Variants in SLC39A11 observed in about 807,000 individuals in gnomAD.
SLC39A11 encodes the protein zinc transporter ZIP11.
Under a neutral mutation model 36.1 loss-of-function variants are expected in SLC39A11, and 33 were observed. The ratio of observed to expected loss-of-function variants is 0.91; its 90% CI spans 0.69 to 1.22. SLC39A11 has a LOEUF of 1.22. SLC39A11 is among the 50% of genes most tolerant of loss of function. The pLI, the probability that SLC39A11 is intolerant of heterozygous loss-of-function variation, is 0.00. For missense variants in SLC39A11, 432 were observed against 430.3 expected (o/e 1.00, Z -0.03); for synonymous variants, 166 against 170.3 (o/e 0.97, Z 0.20).
At chr17:73,010,858 A>G (rs1273677209) in intron 4 of SLC39A11, among the ~76,000 whole-genome samples, 1 of 152,234 alleles carries the variant, frequency 6.6e-6, no homozygotes, top group Non-Finnish European at 1.5e-5. Flanking sequence ...CCCAAAAATA[A>G]CTCACATGTG....
intron 5 of SLC39A11, among the ~76,000 whole-genome samples, chr17:72,916,593 C>A (rs1467810398): frequency 6.6e-6 from 1 of 152,162 alleles, no homozygotes; most frequent in Non-Finnish European, 1.5e-5. Context: ...GTTTCACAAA[C>A]CCTCTCTTCC....
intron 5 of SLC39A11, among the ~76,000 whole-genome samples, chr17:72,935,208 T>C (rs1450579776): frequency 6.6e-6 from 1 of 152,226 alleles, no homozygotes; most frequent in Non-Finnish European, 1.5e-5. Flanking sequence ...CTGTTGACAC[T>C]TGCAACATAA....
chr17:72,653,092 G>C lies in SLC39A11; in HGVS notation c.672-3824C>G, dbSNP rs188265784. Among the ~76,000 whole-genome samples, 11 of 147,780 alleles carry C rather than the reference G, an allele frequency of 7.4e-5. No individual in the cohort carries two copies. The East Asian group carries it at 2.2e-3, about 30-fold the overall frequency. ...TGAGCCTGGTGGGCTTGACTCTTCT[G>C]TTGCACGCTTTTTTTTTCTTTTTTT... On this transcript the variant is annotated intron_variant, in intron 7 of 9. Transcript: ENST00000255559.
rs1241613564 is a variant in SLC39A11, at chr17:72,776,627, A to AAC, written c.602-39909_602-39908insGT. ...TTTGCATGGAAAAAAAAAAAAAAAA[A>AAC]AACAGAAGACAGGCTGTTGGTAATC... On this transcript the variant is annotated intron_variant, in intron 6 of 9. Transcript: ENST00000255559. Among the ~76,000 whole-genome samples, 639 of 151,500 alleles carry AAC rather than the reference A, an allele frequency of 4.2e-3. 2 individuals are homozygous for AAC. Among genetic ancestry groups the AAC allele is most frequent in the Middle Eastern group, 6.8e-3 (2 of 292 alleles).
chr17:72,748,851 G>A (rs891288556), intron 6 of SLC39A11, among the ~76,000 whole-genome samples: 6 of 152,126 alleles, frequency 3.9e-5, no homozygotes, highest in African/African-American at 7.2e-5. Context: ...CACCATGGTC[G>A]TCCACACCTG....
chr17:72,777,611 T>C (rs2076177537), intron 6 of SLC39A11, among the ~76,000 whole-genome samples: 1 of 152,124 alleles, frequency 6.6e-6, no homozygotes, highest in African/African-American at 2.4e-5. Flanking sequence ...GAATTATTGG[T>C]AACTCTAGGA....
chr17:73,058,812 A>G (rs969216238), intron 3 of SLC39A11, among the ~76,000 whole-genome samples: 1 of 152,230 alleles, frequency 6.6e-6, no homozygotes, highest in Non-Finnish European at 1.5e-5. Flanking sequence ...AAGAGAACTC[A>G]GGAGGCCTTG....
chr17:72,683,429 G>A (rs376567184), intron 7 of SLC39A11, among the ~76,000 whole-genome samples: 3 of 149,420 alleles, frequency 2.0e-5, no homozygotes, highest in South Asian at 2.1e-4. Flanking sequence ...TCAACCTCTC[G>A]TGCTCAAGGG....
intron 6 of SLC39A11, among the ~76,000 whole-genome samples, chr17:72,792,396 T>A (rs1435836529): frequency 6.6e-6 from 1 of 152,150 alleles, no homozygotes; most frequent in African/African-American, 2.4e-5. Flanking sequence ...GTTGGTCTGG[T>A]TGATGTGGAA....
chr17:72,762,572 C>T (rs2075626652), intron 6 of SLC39A11, among the ~76,000 whole-genome samples: 1 of 152,182 alleles, frequency 6.6e-6, no homozygotes, highest in Non-Finnish European at 1.5e-5. Context: ...GGCAGCTCTG[C>T]CTATGGAGAA....
intron 5 of SLC39A11, among the ~76,000 whole-genome samples, chr17:72,901,967 G>A (rs1743866618): frequency 6.6e-6 from 1 of 152,038 alleles, no homozygotes; most frequent in African/African-American, 2.4e-5. Context: ...AGCCAGTGAT[G>A]GTATCCTTAT....
chr17:72,994,576 T>C (rs1317451081), intron 4 of SLC39A11, among the ~76,000 whole-genome samples: 2 of 152,220 alleles, frequency 1.3e-5, no homozygotes, highest in Non-Finnish European at 2.9e-5. Context: ...GTTTGTTGTA[T>C]AAAGTTTTTT....
intron 5 of SLC39A11, among the ~76,000 whole-genome samples, chr17:72,935,176 C>T (rs2084666990): frequency 6.6e-6 from 1 of 152,230 alleles, no homozygotes; most frequent in African/African-American, 2.4e-5. Context: ...TGGAATGCTA[C>T]TCAGCCTTAA....
chr17:72,832,979 G>A (rs752482087), intron 6 of SLC39A11, among the ~76,000 whole-genome samples: 2 of 152,190 alleles, frequency 1.3e-5, no homozygotes, highest in Non-Finnish European at 2.9e-5. Context: ...TGCTTGCAAA[G>A]TAGCCAGGTA....
intron 4 of SLC39A11, among the ~76,000 whole-genome samples, chr17:72,984,101 G>A (rs1193700853): frequency 1.3e-5 from 2 of 152,114 alleles, no homozygotes; most frequent in Non-Finnish European, 2.9e-5. Context: ...GTGATTCTGG[G>A]AGCCTCAGAG....
intron 6 of SLC39A11, among the ~76,000 whole-genome samples, chr17:72,805,987 T>C (rs143076723): frequency 2.8e-4 from 43 of 152,142 alleles, no homozygotes; most frequent in Admixed American, 2.7e-3. Flanking sequence ...CCTGACCTCA[T>C]GCTATCCACC....
intron 5 of SLC39A11, among the ~76,000 whole-genome samples, chr17:72,868,650 GA>G (rs2080444640): frequency 1.3e-5 from 1 of 78,478 alleles, no homozygotes; most frequent in African/African-American, 4.8e-5. Flanking sequence ...AAAAAAAAAA[GA>G]AAGAAAAAAT....
chr17:72,999,579 T>G (rs1339181890), intron 4 of SLC39A11, among the ~76,000 whole-genome samples: 1 of 152,166 alleles, frequency 6.6e-6, no homozygotes, highest in African/African-American at 2.4e-5. Context: ...TTTTGAGTGC[T>G]CTCCAAGGAG....
At chr17:72,761,200 C>T (rs952385579) in intron 6 of SLC39A11, among the ~76,000 whole-genome samples, 3 of 152,032 alleles carry the variant, frequency 2.0e-5, no homozygotes, top group African/African-American at 7.2e-5. Flanking sequence ...CTGCAACCTC[C>T]GCCTCTTGGG....
Sources: gnomAD v4.1 joint callset for allele counts (sites outside exome capture counted in the v4.1 genomes callset) on GRCh38, gnomAD v4.1.1 for gene constraint, MANE v1.5 for transcripts, NCBI Gene and HGNC (gene_info 2026-07-23, HGNC 2026-07-21) for gene names.